The following OTUD7B variants were observed in gnomAD, a reference collection of about 807,000 sequenced individuals.
The protein encoded by OTUD7B is OTU domain-containing protein 7B.
In OTUD7B, 34 loss-of-function variants were observed where a neutral mutation model predicts 82.2. The observed-to-expected ratio is 0.41, with a 90% CI of 0.31 to 0.55. The LOEUF is 0.55. OTUD7B is among the 20% of genes least tolerant of loss of function. The probability of loss-of-function intolerance (pLI) is 0.20; values close to 1 mark genes in which losing one functional copy is unlikely to be tolerated. For missense variants in OTUD7B, 944 were observed against 1,062.1 expected (o/e 0.89, Z 1.55); for synonymous variants, 398 against 402.7 (o/e 0.99, Z 0.14).
intron 2 of OTUD7B, among the ~76,000 whole-genome samples, chr1:149,971,454 T>C (rs587662785): frequency 6.6e-6 from 1 of 152,310 alleles, no homozygotes; most frequent in South Asian, 2.1e-4. Flanking sequence ...GTCTATTTCC[T>C]AAGTAAGTGC....
rs1553776778 is a variant in OTUD7B, at chr1:149,967,285, C to T, written c.502+9G>A. The stretch of plus-strand genomic sequence containing the variant: ...AGGGAAGAGTGTGGGAGAGGAAGCA[C>T]TCACTGACCTGCCTGTTCCAAGGCA... On this transcript the variant is annotated intron_variant, in intron 4 of 11. Transcript: ENST00000581312. The T allele has an allele frequency of 6.3e-7, 1 of 1,599,866 alleles. No homozygotes were observed. Among genetic ancestry groups the T allele is most frequent in the Admixed American group, 1.7e-5 (1 of 59,880 alleles).
chr1:150,023,075 A>G, the OTUD7B span, among the ~76,000 whole-genome samples: 7 of 152,346 alleles, frequency 4.6e-5, no homozygotes, highest in South Asian at 6.2e-4. Flanking sequence ...TATTGACTTC[A>G]GATGCACAAA....
the OTUD7B span, among the ~76,000 whole-genome samples, chr1:150,044,204 T>C: frequency 1.6e-3 from 1 of 634 alleles, no homozygotes; most frequent in South Asian, 0.025. Context: ...TTTTTAAAGG[T>C]TTATTTTATT....
At chr1:150,067,041 G>C in the OTUD7B span, 3 of 152,384 alleles carry the variant, frequency 2.0e-5, no homozygotes, top group Non-Finnish European at 4.4e-5. Flanking sequence ...GCGGGGGCGG[G>C]GCAGGGGGAC....
chr1:150,062,708 CTTTTTT>C, the OTUD7B span, among the ~76,000 whole-genome samples: 6 of 96,056 alleles, frequency 6.2e-5, no homozygotes, highest in African/African-American at 1.2e-4. Flanking sequence ...CTTCTTCTTT[CTTTTTT>C]TTTTTTTTTT....
intron 1 of OTUD7B, among the ~76,000 whole-genome samples, chr1:150,002,410 C>T (rs1466884917): frequency 6.6e-6 from 1 of 152,158 alleles, no homozygotes; most frequent in Non-Finnish European, 1.5e-5. Flanking sequence ...ATCCTAACAC[C>T]TCATTCAGCC....
At chr1:149,990,259 T>C (rs1651469040) in intron 1 of OTUD7B, among the ~76,000 whole-genome samples, 1 of 152,222 alleles carries the variant, frequency 6.6e-6, no homozygotes, top group Non-Finnish European at 1.5e-5. Context: ...GTGTAAAAGC[T>C]CACCAGGATG....
intron 7 of OTUD7B, among the ~76,000 whole-genome samples, chr1:149,958,268 T>C (rs1232483849): frequency 6.6e-6 from 1 of 151,588 alleles, no homozygotes; most frequent in Non-Finnish European, 1.5e-5. Context: ...ATTATATAAT[T>C]TCATCCATTT....
At chr1:150,039,387 A>ATTTT in the OTUD7B span, among the ~76,000 whole-genome samples, 133 of 151,120 alleles carry the variant, frequency 8.8e-4, no homozygotes, top group African/African-American at 3.0e-3. Flanking sequence ...TAAAAAAAAA[A>ATTTT]TTTTTTTTGA....
chr1:149,979,594 A>G (rs1225106597), intron 1 of OTUD7B, among the ~76,000 whole-genome samples: 1 of 152,234 alleles, frequency 6.6e-6, no homozygotes, highest in Non-Finnish European at 1.5e-5. Flanking sequence ...TTTCAACATC[A>G]TAATTATCAG....
At chr1:149,983,677 T>C (rs1571690205) in intron 1 of OTUD7B, among the ~76,000 whole-genome samples, 1 of 152,122 alleles carries the variant, frequency 6.6e-6, no homozygotes, top group East Asian at 1.9e-4. Flanking sequence ...GAGGGCCTAG[T>C]GGACCCTGTT....
chr1:150,001,093 G>C (rs1415904611), intron 1 of OTUD7B, among the ~76,000 whole-genome samples: 2 of 152,190 alleles, frequency 1.3e-5, no homozygotes, highest in African/African-American at 4.8e-5. Flanking sequence ...TCTTGAGAAA[G>C]AGGAAGGAGG....
chr1:150,049,636 T>C, the OTUD7B span, among the ~76,000 whole-genome samples: 5 of 146,812 alleles, frequency 3.4e-5, no homozygotes, highest in African/African-American at 1.3e-4. Context: ...TCTCTTTCTT[T>C]TTTTTTTTTT....
upstream of OTUD7B, among the ~76,000 whole-genome samples, chr1:150,013,948 A>ATC (rs1653183123): frequency 1.2e-5 from 1 of 81,860 alleles, no homozygotes; most frequent in Non-Finnish European, 2.5e-5. Context: ...ATATATATAT[A>ATC]CACACACACA....
intron 1 of OTUD7B, among the ~76,000 whole-genome samples, chr1:150,007,171 G>A (rs782431261): frequency 1.8e-4 from 27 of 152,058 alleles, no homozygotes; most frequent in Non-Finnish European, 3.7e-4. Context: ...CTTTCTGTTT[G>A]GAAGATCCTT....
At chr1:150,061,454 C>T in the OTUD7B span, among the ~76,000 whole-genome samples, 12 of 152,062 alleles carry the variant, frequency 7.9e-5, no homozygotes, top group Non-Finnish European at 1.3e-4. Flanking sequence ...CTTCTGTTGA[C>T]GGACATTTAG....
the OTUD7B span, among the ~76,000 whole-genome samples, chr1:150,026,399 A>G: frequency 1.2e-4 from 18 of 152,226 alleles, no homozygotes; most frequent in Admixed American, 3.3e-4. Context: ...TCATCATAAC[A>G]GTACTTTTAT....
Position 149,942,100 on chromosome 1 carries a change from A to ACATATGCACGCACG in OTUD7B, c.*1743_*1756dup, listed in dbSNP as rs1553770546. 6.6e-6 allele frequency: 1 copy of ACATATGCACGCACG among 152,614 alleles called. No individual in the cohort carries two copies. The highest frequency in any genetic ancestry group is 1.9e-4 in the East Asian group (1 of 5,200). The allele number at this position is 152,614 out of a possible 1,614,324, so 9.5% of individuals were successfully genotyped here. ...GGCTACCGAGGAGGAAAACACACAC[A>ACATATGCACGCACG]CATATGCACGCACGCACATGCATGC... On this transcript the variant is annotated 3_prime_UTR_variant, in exon 12 of 12. Transcript: ENST00000581312.
At chr1:150,015,427 G>A (rs997329666), upstream of OTUD7B, among the ~76,000 whole-genome samples, 1 of 151,290 alleles carries the variant, frequency 6.6e-6, no homozygotes, top group Non-Finnish European at 1.5e-5. Flanking sequence ...CAGAGTACCT[G>A]GGATTACAGG....
Sources: allele counts gnomAD v4.1 joint callset (sites outside exome capture counted in the v4.1 genomes callset), GRCh38; gene constraint gnomAD v4.1.1; transcripts MANE v1.5; gene names NCBI Gene and HGNC (gene_info 2026-07-23, HGNC 2026-07-21).